Variants in CYP39A1 observed in about 807,000 individuals in gnomAD.
CYP39A1 encodes the protein 24-hydroxycholesterol 7-alpha-hydroxylase.
Under a neutral mutation model 58.1 loss-of-function variants are expected in CYP39A1, and 49 were observed. The observed-to-expected ratio is 0.84, with a 90% CI of 0.67 to 1.07. CYP39A1 has a LOEUF of 1.07. Among genes scored for constraint, CYP39A1 ranks in the 50% least tolerant of loss-of-function variants. The pLI, the probability that CYP39A1 is intolerant of heterozygous loss-of-function variation, is 0.00. For synonymous variants in CYP39A1, 209 were observed against 187.6 expected (o/e 1.11, Z -0.93); for missense variants, 531 against 539.4 (o/e 0.98, Z 0.16).
At chr6:46,628,773 A>G (rs1036504861) in intron 6 of CYP39A1, among the ~76,000 whole-genome samples, 1 of 152,202 alleles carries the variant, frequency 6.6e-6, no homozygotes, top group African/African-American at 2.4e-5. Flanking sequence ...AGCAGTGGAT[A>G]TTCCCACTCT....
At chr6:46,552,402 C>A (rs1050071098) in intron 11 of CYP39A1, among the ~76,000 whole-genome samples, 1 of 152,150 alleles carries the variant, frequency 6.6e-6, no homozygotes, top group African/African-American at 2.4e-5. Context: ...AGTTACTCGT[C>A]CTCAAAATAG....
chr6:46,609,359 C>T lies in CYP39A1; in HGVS notation c.932-13239G>A, dbSNP rs188302786. Among the ~76,000 whole-genome samples, 99 of 149,596 alleles carry T rather than the reference C, an allele frequency of 6.6e-4. 1 individual carries two copies. In the East Asian group the frequency reaches 0.017, roughly 26 times the overall value. ...CGGAGCTTGCAGTGAGCTGAGTCCGCGCCACTGAGTCCGCGCCACTGCACT... is the reference window on the plus strand; with the variant it reads ...CGGAGCTTGCAGTGAGCTGAGTCCGTGCCACTGAGTCCGCGCCACTGCACT... On this transcript the variant is annotated intron_variant, in intron 7 of 11. Transcript: ENST00000275016.
At chr6:46,598,479 G>A (rs1341385670) in intron 7 of CYP39A1, among the ~76,000 whole-genome samples, 2 of 152,104 alleles carry the variant, frequency 1.3e-5, no homozygotes, top group South Asian at 2.1e-4. Flanking sequence ...ACTGAAAACT[G>A]TCTTGATACA....
At chr6:46,614,505 T>C (rs1328218050) in intron 7 of CYP39A1, among the ~76,000 whole-genome samples, 14 of 152,214 alleles carry the variant, frequency 9.2e-5, no homozygotes, top group Admixed American at 9.2e-4. Flanking sequence ...CCACTGTACA[T>C]TGATCACAGC....
intron 10 of CYP39A1, among the ~76,000 whole-genome samples, chr6:46,569,244 T>C (rs1318711923): frequency 6.6e-6 from 1 of 152,124 alleles, no homozygotes; most frequent in African/African-American, 2.4e-5. Context: ...CCTGCTACTT[T>C]GTTGAGTTAT....
intron 6 of CYP39A1, among the ~76,000 whole-genome samples, chr6:46,629,866 C>G (rs1775540637): frequency 6.6e-6 from 1 of 152,132 alleles, no homozygotes; most frequent in Non-Finnish European, 1.5e-5. Context: ...GCCCAGGAAA[C>G]TGTTGGCACT....
At chr6:46,639,849 T>C (rs890157279) in intron 2 of CYP39A1, among the ~76,000 whole-genome samples, 181 bp from the exon 3 acceptor site, 2 of 152,186 alleles carry the variant, frequency 1.3e-5, no homozygotes, top group Non-Finnish European at 2.9e-5. Flanking sequence ...GTGTGGTGGC[T>C]CACAACTGTA....
chr6:46,562,358 A>C (rs1771027367), intron 10 of CYP39A1, among the ~76,000 whole-genome samples: 1 of 152,158 alleles, frequency 6.6e-6, no homozygotes. Context: ...CACCTCAAAA[A>C]AAAAAGTATG....
At chr6:46,622,422 C>A (rs532632328) in intron 7 of CYP39A1, among the ~76,000 whole-genome samples, 97 of 152,004 alleles carry the variant, frequency 6.4e-4, no homozygotes, top group African/African-American at 2.3e-3. Context: ...CCTGAGAACG[C>A]ACTTCTACCT....
At position 46,652,663 on chromosome 6, in the gene CYP39A1, A is replaced by AAAGTC; in HGVS notation, c.-82_-81insGACTT. 7.5e-7 allele frequency: 1 copy of AAAGTC among 1,326,344 alleles called. No homozygotes were observed. The highest frequency in any genetic ancestry group is 1.0e-6 in the Non-Finnish European group (1 of 984,966). The allele number at this position is 1,326,344 out of a possible 1,614,324, so 82.2% of individuals were successfully genotyped here. Reference sequence around the variant, plus strand: ...TTGCTTCTTTTCTGTGGGCTACGGAACCTGTCGGGACTCCCAACCTTTCTG... The same window carrying AAAGTC: ...TTGCTTCTTTTCTGTGGGCTACGGAAAAGTCCCTGTCGGGACTCCCAACCTTTCTG... On this transcript the variant is annotated 5_prime_UTR_variant, in exon 1 of 12. The change creates a premature stop within an existing upstream ORF in the 5' untranslated region. Coordinates refer to ENST00000275016, the MANE Select transcript of CYP39A1 (RefSeq NM_016593.5).
intron 7 of CYP39A1, among the ~76,000 whole-genome samples, chr6:46,607,496 T>G (rs1290815338): frequency 1.3e-5 from 2 of 149,044 alleles, no homozygotes; most frequent in Non-Finnish European, 3.0e-5. Context: ...CACACATGCA[T>G]ACATGCAGAC....
intron 10 of CYP39A1, among the ~76,000 whole-genome samples, chr6:46,578,173 T>C (rs543072996): frequency 1.3e-5 from 2 of 152,206 alleles, no homozygotes; most frequent in South Asian, 4.1e-4. Flanking sequence ...TGCTCCTGAA[T>C]GACTTTAAAG....
chr6:46,601,256 C>T (rs913514644), intron 7 of CYP39A1, among the ~76,000 whole-genome samples: 19 of 152,144 alleles, frequency 1.2e-4, no homozygotes, highest in Admixed American at 3.9e-4. Context: ...ATTCCATCTC[C>T]ATTGCTACCA....
chr6:46,644,944 T>G (rs1762223003), intron 1 of CYP39A1, among the ~76,000 whole-genome samples: 1 of 152,218 alleles, frequency 6.6e-6, no homozygotes, highest in Admixed American at 6.5e-5. Context: ...TTCTCTTCAT[T>G]GATACATCTT....
intron 5 of CYP39A1, among the ~76,000 whole-genome samples, chr6:46,632,527 C>G (rs1775726093): frequency 6.6e-6 from 1 of 151,274 alleles, no homozygotes; most frequent in Non-Finnish European, 1.5e-5. Context: ...AAAATCGTGT[C>G]ACAGGAGCTT....
intron 7 of CYP39A1, among the ~76,000 whole-genome samples, chr6:46,600,904 G>A (rs1561980552): frequency 6.6e-6 from 1 of 152,150 alleles, no homozygotes; most frequent in African/African-American, 2.4e-5. Context: ...GAAAACTCCC[G>A]ATTTGTAGAC....
At chr6:46,602,324 C>T (rs963133473) in intron 7 of CYP39A1, among the ~76,000 whole-genome samples, 1 of 152,066 alleles carries the variant, frequency 6.6e-6, no homozygotes, top group Non-Finnish European at 1.5e-5. Context: ...TTAGTAAAAA[C>T]CTGATATATA....
At chr6:46,616,282 T>TCCTC (rs1237614250) in intron 7 of CYP39A1, among the ~76,000 whole-genome samples, 1 of 116,338 alleles carries the variant, frequency 8.6e-6, no homozygotes, top group African/African-American at 3.9e-5. Context: ...CTTCCTTCCT[T>TCCTC]CATCTTGCTC....
intron 1 of CYP39A1, among the ~76,000 whole-genome samples, chr6:46,647,892 A>T (rs1186633872): frequency 6.6e-6 from 1 of 152,208 alleles, no homozygotes; most frequent in Admixed American, 6.5e-5. Context: ...TCAGATGAAT[A>T]GATTGCAAAA....
Sources: allele counts gnomAD v4.1 joint callset (sites outside exome capture counted in the v4.1 genomes callset), GRCh38; gene constraint gnomAD v4.1.1; transcripts MANE v1.5; gene names NCBI Gene and HGNC (gene_info 2026-07-23, HGNC 2026-07-21).